TNNI3K: variants seen among roughly 807,000 people sequenced by gnomAD.
TNNI3K encodes the protein TNNI3 interacting kinase, also known as serine/threonine-protein kinase TNNI3K.
TNNI3K carries 140 observed loss-of-function variants against 114.5 expected under a neutral mutation model. The ratio of observed to expected loss-of-function variants is 1.22; its 90% CI spans 1.07 to 1.41. The LOEUF (loss-of-function observed/expected upper bound fraction) is 1.41. Among genes scored for constraint, TNNI3K ranks in the 40% most tolerant of loss-of-function variants. TNNI3K has a pLI of 0.00. For missense variants in TNNI3K, 1,125 were observed against 1,007.6 expected (o/e 1.12, Z -1.58); for synonymous variants, 347 against 347.5 (o/e 1.00, Z 0.02).
At chr1:74,293,733 CAA>C (rs1377411074) in intron 5 of TNNI3K, among the ~76,000 whole-genome samples, 2 of 151,522 alleles carry the variant, frequency 1.3e-5, no homozygotes, top group East Asian at 3.9e-4. Context: ...GAAATGGTGA[CAA>C]AGAATAGACC....
intron 17 of TNNI3K, among the ~76,000 whole-genome samples, chr1:74,400,287 G>T (rs76877654): frequency 1.6e-3 from 239 of 152,242 alleles, no homozygotes; most frequent in African/African-American, 5.6e-3. Context: ...TATAACTACC[G>T]ATCCCACTAC....
chr1:74,302,531 T>C (rs1441207497), intron 5 of TNNI3K, among the ~76,000 whole-genome samples: 3 of 152,202 alleles, frequency 2.0e-5, no homozygotes, highest in Non-Finnish European at 4.4e-5. Flanking sequence ...GAAAAATTCT[T>C]GAGGAAAATT....
At chr1:74,494,500 C>A (rs1669232070) in intron 23 of TNNI3K, among the ~76,000 whole-genome samples, 1 of 152,110 alleles carries the variant, frequency 6.6e-6, no homozygotes, top group Non-Finnish European at 1.5e-5. Context: ...TTCAAAAGGA[C>A]CCATAGGCCA....
chr1:74,538,225 A>G (rs1646683282), intron 23 of TNNI3K, among the ~76,000 whole-genome samples: 1 of 152,152 alleles, frequency 6.6e-6, no homozygotes, highest in African/African-American at 2.4e-5. Context: ...TAGTTGAGGA[A>G]TTGTAGAATA....
chr1:74,386,017 T>A (rs1663459123), intron 17 of TNNI3K, among the ~76,000 whole-genome samples: 1 of 152,208 alleles, frequency 6.6e-6, no homozygotes, highest in Non-Finnish European at 1.5e-5. Flanking sequence ...GTCTTTCCCA[T>A]GCTGTTCGCA....
At chr1:74,295,899 C>T (rs964168437) in intron 5 of TNNI3K, among the ~76,000 whole-genome samples, 1 of 151,828 alleles carries the variant, frequency 6.6e-6, no homozygotes, top group African/African-American at 2.4e-5. Context: ...TGTTTTTGTT[C>T]ATTTTCTGTC....
intron 23 of TNNI3K, among the ~76,000 whole-genome samples, chr1:74,507,225 C>CCCG (rs1553153840): frequency 8.1e-6 from 1 of 124,148 alleles, no homozygotes; most frequent in Non-Finnish European, 1.7e-5. Context: ...ATTTCTTCAC[C>CCCG]CCCCCCCCAT....
chr1:74,420,586 C>T (rs111813213), intron 17 of TNNI3K, among the ~76,000 whole-genome samples: 156 of 152,234 alleles, frequency 1.0e-3, no homozygotes, highest in African/African-American at 3.5e-3. Context: ...CAGGAGAGAA[C>T]ACTGCAAGCA....
At chr1:74,414,926 A>G (rs1665047954) in intron 17 of TNNI3K, among the ~76,000 whole-genome samples, 1 of 152,198 alleles carries the variant, frequency 6.6e-6, no homozygotes, top group Non-Finnish European at 1.5e-5. Flanking sequence ...TAAAAAAATA[A>G]AAGTCAGATT....
intron 11 of TNNI3K, among the ~76,000 whole-genome samples, chr1:74,355,507 G>A (rs1002984799): frequency 3.9e-4 from 59 of 152,210 alleles, no homozygotes; most frequent in African/African-American, 1.4e-3. Context: ...GGGAGGCTGA[G>A]GCAGGAGAAT....
At chr1:74,367,206 TA>T (rs1436801281) in intron 11 of TNNI3K, 49 bp from the exon 12 acceptor site, 1 of 1,597,304 alleles carries the variant, frequency 6.3e-7, no homozygotes, top group South Asian at 1.1e-5. Flanking sequence ...GTAGACTGAA[TA>T]ACTTAAACAA....
chr1:74,340,964 G>A (rs1660720687), intron 7 of TNNI3K, among the ~76,000 whole-genome samples: 1 of 152,152 alleles, frequency 6.6e-6, no homozygotes, highest in African/African-American at 2.4e-5. Flanking sequence ...CTTGGGAGGA[G>A]AAACTCAGTG....
At position 74,519,421 on chromosome 1, in the gene TNNI3K, T is replaced by A. The variant is rs1238789190; in HGVS notation, c.2352-20813T>A. ...CCAGTAATGGGATGGCTGGGTCAAA[T>A]GGTATTTCTAGTTCTAGATCCCTGA... On this transcript the variant is annotated intron_variant, in intron 23 of 24. Transcript: ENST00000326637. Among the ~76,000 whole-genome samples the A allele has an allele frequency of 1.6e-5, 2 of 125,550 alleles. 1 individual carries two copies. The highest frequency in any genetic ancestry group is 7.9e-5 in the African/African-American group (2 of 25,470). The allele number at this position is 125,550 out of a possible 152,430, so 82.4% of individuals were successfully genotyped here.
At chr1:74,436,646 G>A (rs1666143906) in intron 19 of TNNI3K, 120 bp downstream of exon 19, 2 of 1,020,990 alleles carry the variant, frequency 2.0e-6, no homozygotes, top group Non-Finnish European at 2.8e-6. Flanking sequence ...TCAGTGTTGG[G>A]ATAATGGCTT....
rs184414196 is a variant in TNNI3K, at chr1:74,390,331, T to C, written c.1772+19939T>C. 1.4e-4 allele frequency among the ~76,000 whole-genome samples: 21 copies of C among 152,282 alleles called. No individual in the cohort carries two copies. The East Asian group carries it at 3.9e-3, about 28-fold the overall frequency. On this transcript the variant is annotated intron_variant, in intron 17 of 24. Coordinates refer to ENST00000326637, the MANE Select transcript of TNNI3K (RefSeq NM_015978.3). ...ACCCATTAACATACAGAGAAAATCA[T>C]ATTTCCTGGACTTTATTTTGAGGTA...
At position 74,544,125 on chromosome 1, in the gene TNNI3K, T is replaced by A. The variant is rs1646760338; in HGVS notation, c.*143T>A. On this transcript the variant is annotated 3_prime_UTR_variant, in exon 25 of 25. Coordinates refer to ENST00000326637, the MANE Select transcript of TNNI3K (RefSeq NM_015978.3). Reference sequence around the variant, plus strand: ...GCTTGTTTTTACTTGTCCTATTTAATTCCCCACTATTAGCAGGCTTTGGAT... The same window carrying A: ...GCTTGTTTTTACTTGTCCTATTTAAATCCCCACTATTAGCAGGCTTTGGAT... 1 of 769,244 alleles carries A rather than the reference T, an allele frequency of 1.3e-6. No homozygotes were observed. Among genetic ancestry groups the A allele is most frequent in the Non-Finnish European group, 2.0e-6 (1 of 505,020 alleles). 47.7% of individuals were successfully genotyped at this position (769,244 alleles called of 1,614,324 possible).
At chr1:74,446,922 C>A (rs1324232685) in intron 20 of TNNI3K, among the ~76,000 whole-genome samples, 2 of 131,268 alleles carry the variant, frequency 1.5e-5, no homozygotes, top group Non-Finnish European at 1.6e-5. Context: ...GTACCAGTAC[C>A]ATGCTGTTTT....
chr1:74,539,774 C>T (rs1205907263), intron 23 of TNNI3K, among the ~76,000 whole-genome samples: 1 of 151,514 alleles, frequency 6.6e-6, no homozygotes, highest in Non-Finnish European at 1.5e-5. Flanking sequence ...TATATAAAAA[C>T]AGAAAAGAAT....
At chr1:74,465,353 T>C (rs45626933) in intron 21 of TNNI3K, among the ~76,000 whole-genome samples, 2,088 of 152,256 alleles carry the variant, frequency 0.014, 40 homozygotes, top group African/African-American at 0.048. Context: ...GCCCCATACT[T>C]GGAGTGGCCG....
Sources: gnomAD v4.1 joint callset for allele counts (sites outside exome capture counted in the v4.1 genomes callset) on GRCh38, gnomAD v4.1.1 for gene constraint, MANE v1.5 for transcripts, NCBI Gene and HGNC (gene_info 2026-07-23, HGNC 2026-07-21) for gene names.